MGAT4C: variants seen among roughly 807,000 people sequenced by gnomAD.
MGAT4C encodes the protein MGAT4 family member C.
A neutral mutation model predicts 40.1 loss-of-function variants in MGAT4C; 19 were observed. The ratio of observed to expected loss-of-function variants is 0.47; its 90% CI spans 0.33 to 0.70. The LOEUF (loss-of-function observed/expected upper bound fraction) is 0.70. Among genes scored for constraint, MGAT4C ranks in the 30% least tolerant of loss-of-function variants. The probability of loss-of-function intolerance (pLI) is 0.02; values close to 1 mark genes in which losing one functional copy is unlikely to be tolerated. For missense variants in MGAT4C, 491 were observed against 563.2 expected (o/e 0.87, Z 1.30); for synonymous variants, 181 against 187.1 (o/e 0.97, Z 0.27).
chr12:86,825,827 T>C (rs904202020), intron 1 of MGAT4C, among the ~76,000 whole-genome samples: 3 of 151,420 alleles, frequency 2.0e-5, no homozygotes, highest in African/African-American at 7.3e-5. Context: ...AATTTATATA[T>C]TTGGAGGTGA....
intron 1 of MGAT4C, among the ~76,000 whole-genome samples, chr12:86,761,191 A>T (rs371318381): frequency 6.6e-6 from 1 of 152,184 alleles, no homozygotes. Flanking sequence ...AGTAAAAAAA[A>T]TGAAATAAAA....
intron 2 of MGAT4C, among the ~76,000 whole-genome samples, chr12:86,440,340 A>G (rs1957204512): frequency 6.6e-6 from 1 of 152,080 alleles, no homozygotes; most frequent in Non-Finnish European, 1.5e-5. Context: ...AAACTGACAA[A>G]TGTGATTCAC....
intron 4 of MGAT4C, among the ~76,000 whole-genome samples, chr12:86,270,024 CG>C (rs1952902396): frequency 6.6e-6 from 1 of 151,936 alleles, no homozygotes; most frequent in Non-Finnish European, 1.5e-5. Context: ...TTTCACCTCC[CG>C]TAGTGGATCT....
rs9651932 is a variant in MGAT4C, at chr12:86,241,876, C to A, written c.-57+14363G>T. On this transcript the variant is annotated intron_variant, in intron 1 of 4. Transcript: ENST00000611864. ...ATACTCACTACCTGTCTGACTTGGC[C>A]CAATAAGCCACTCTTCCTGAGCCTT... Among the ~76,000 whole-genome samples, 1,151 of 152,208 alleles carry A rather than the reference C, an allele frequency of 7.6e-3. 16 individuals carry two copies. Among genetic ancestry groups the A allele is most frequent in the African/African-American group, 0.025 (1,050 of 41,538 alleles).
At chr12:86,034,592 T>TA (rs1166071972) in intron 2 of MGAT4C, among the ~76,000 whole-genome samples, 3 of 149,204 alleles carry the variant, frequency 2.0e-5, no homozygotes, top group Non-Finnish European at 3.0e-5. Flanking sequence ...AATTTTTTTT[T>TA]ATTATACTTT....
intron 2 of MGAT4C, among the ~76,000 whole-genome samples, chr12:86,550,234 C>G (rs898023658): frequency 1.3e-5 from 2 of 152,150 alleles, no homozygotes; most frequent in African/African-American, 4.8e-5. Flanking sequence ...TCAATTAAAC[C>G]TCTTTCCTTT....
At chr12:86,640,306 G>C (rs958032703) in intron 2 of MGAT4C, among the ~76,000 whole-genome samples, 1 of 151,728 alleles carries the variant, frequency 6.6e-6, no homozygotes, top group Non-Finnish European at 1.5e-5. Flanking sequence ...GTTTGCTATG[G>C]TAATAAGTAC....
At chr12:86,494,987 C>T (rs888464881) in intron 2 of MGAT4C, among the ~76,000 whole-genome samples, 5 of 151,980 alleles carry the variant, frequency 3.3e-5, no homozygotes, top group African/African-American at 1.2e-4. Context: ...AAAATAAACA[C>T]ATCTAAAAAT....
chr12:86,144,226 A>AT (rs1424213164), intron 1 of MGAT4C, among the ~76,000 whole-genome samples: 1 of 152,156 alleles, frequency 6.6e-6, no homozygotes, highest in Admixed American at 6.5e-5. Context: ...TAAAATTAAT[A>AT]TTTTTTATTT....
At chr12:86,460,958 A>G (rs1391162076) in intron 2 of MGAT4C, among the ~76,000 whole-genome samples, 2 of 152,100 alleles carry the variant, frequency 1.3e-5, no homozygotes, top group Non-Finnish European at 2.9e-5. Context: ...CCTTAACACA[A>G]TGCAAGAGTT....
At chr12:86,696,516 G>C (rs1950262047) in intron 2 of MGAT4C, among the ~76,000 whole-genome samples, 1 of 152,214 alleles carries the variant, frequency 6.6e-6, no homozygotes, top group African/African-American at 2.4e-5. Flanking sequence ...ATATGATTCT[G>C]TTGGCAAGTC....
chr12:86,771,684 ATATGTG>A (rs1403944347), intron 1 of MGAT4C, among the ~76,000 whole-genome samples: 29 of 131,230 alleles, frequency 2.2e-4, no homozygotes, highest in African/African-American at 8.4e-4. Context: ...ACATAAATAT[ATATGTG>A]TGTGTGTGTG....
chr12:86,167,682 G>A (rs1886336590), intron 1 of MGAT4C, among the ~76,000 whole-genome samples: 2 of 152,038 alleles, frequency 1.3e-5, no homozygotes, highest in Non-Finnish European at 1.5e-5. Context: ...TCCACTCTCT[G>A]GAGCCCATTC....
intron 1 of MGAT4C, among the ~76,000 whole-genome samples, chr12:86,753,265 A>C (rs1234672015): frequency 6.6e-6 from 1 of 152,154 alleles, no homozygotes; most frequent in Non-Finnish European, 1.5e-5. Context: ...CCCAGGGTGG[A>C]AAACCGCTTA....
intron 1 of MGAT4C, among the ~76,000 whole-genome samples, chr12:86,211,406 C>CAAAAAAAAAAAA (rs58874795): frequency 4.5e-4 from 16 of 35,514 alleles, no homozygotes; most frequent in African/African-American, 6.9e-4. Context: ...ACTACAAATA[C>CAAAAAAAAAAAA]AAAAAAAAAA....
chr12:86,423,080 C>T (rs1301941583), intron 3 of MGAT4C, among the ~76,000 whole-genome samples: 4 of 152,078 alleles, frequency 2.6e-5, no homozygotes, highest in African/African-American at 9.7e-5. Flanking sequence ...AGAAAATCAG[C>T]TGTTTTCTGA....
chr12:86,230,808 A>T (rs1951285827), intron 1 of MGAT4C, among the ~76,000 whole-genome samples: 1 of 151,996 alleles, frequency 6.6e-6, no homozygotes, highest in African/African-American at 2.4e-5. Context: ...GTTTCCCCAG[A>T]TTTGTAGCAA....
intron 2 of MGAT4C, among the ~76,000 whole-genome samples, chr12:86,472,398 C>A (rs527827658): frequency 2.6e-5 from 4 of 152,200 alleles, no homozygotes; most frequent in East Asian, 1.9e-4. Context: ...GTGACCAGAT[C>A]CTTTTTTGCC....
intron 1 of MGAT4C, among the ~76,000 whole-genome samples, chr12:86,805,691 A>G (rs1217244104): frequency 6.6e-6 from 1 of 152,046 alleles, no homozygotes; most frequent in East Asian, 1.9e-4. Flanking sequence ...ATGTCAGTAC[A>G]TATATGTTTT....
Sources: gnomAD v4.1 joint callset for allele counts (sites outside exome capture counted in the v4.1 genomes callset) on GRCh38, gnomAD v4.1.1 for gene constraint, MANE v1.5 for transcripts, NCBI Gene and HGNC (gene_info 2026-07-23, HGNC 2026-07-21) for gene names.